TACC2: variants seen among roughly 807,000 people sequenced by gnomAD.
TACC2 encodes the protein transforming acidic coiled-coil-containing protein 2.
Under a neutral mutation model 227.3 loss-of-function variants are expected in TACC2, and 137 were observed. That is an observed-to-expected ratio of 0.60 (90% CI 0.52 to 0.69). The LOEUF (loss-of-function observed/expected upper bound fraction) is 0.69. Ranked by LOEUF, TACC2 falls within the 30% of genes least tolerant of loss-of-function variation. The pLI is 0.00. For missense variants in TACC2, 3,470 were observed against 3,694.4 expected (o/e 0.94, Z 1.57); for synonymous variants, 1,523 against 1,487.5 (o/e 1.02, Z -0.55).
At chr10:122,007,454 G>A (rs1955317072) in intron 1 of TACC2, among the ~76,000 whole-genome samples, 1 of 152,120 alleles carries the variant, frequency 6.6e-6, no homozygotes, top group African/African-American at 2.4e-5. Context: ...TGGTCTCAGG[G>A]TGTAAGGAAG....
intron 3 of TACC2, among the ~76,000 whole-genome samples, chr10:122,076,518 G>A (rs552074355): frequency 6.6e-6 from 1 of 152,280 alleles, no homozygotes; most frequent in South Asian, 2.1e-4. Context: ...CAGTGATGAT[G>A]TTATGTTAGG....
At chr10:122,238,619 T>A (rs1242553055) in intron 18 of TACC2, among the ~76,000 whole-genome samples, 2 of 151,980 alleles carry the variant, frequency 1.3e-5, no homozygotes, top group Non-Finnish European at 2.9e-5. Context: ...CTGGCTAATT[T>A]TTTGTATTTT....
intron 1 of TACC2, among the ~76,000 whole-genome samples, chr10:121,998,285 C>T (rs1953813873): frequency 6.8e-6 from 1 of 146,494 alleles, no homozygotes; most frequent in African/African-American, 2.6e-5. Context: ...GCACTCCAGC[C>T]TGGGTGACAC....
intron 5 of TACC2, among the ~76,000 whole-genome samples, chr10:122,105,014 G>C (rs2082591901): frequency 6.6e-6 from 1 of 152,196 alleles, no homozygotes; most frequent in Non-Finnish European, 1.5e-5. Flanking sequence ...AGCAGCACTT[G>C]ATAAGTGACT....
At position 122,063,023 on chromosome 10, in the gene TACC2, G is replaced by A. The variant is rs529735435; in HGVS notation, c.146+12473G>A. Among the ~76,000 whole-genome samples, 3 of 152,098 alleles carry A rather than the reference G, an allele frequency of 2.0e-5. No individual in the cohort carries two copies. The East Asian group carries it at 5.9e-4, about 30-fold the overall frequency. ...TGGCAGGGCGGGGACTAGAACCGAG[G>A]CTGGTTTGATCCACCTGAAACCCAG... is the stretch of plus-strand genomic sequence containing the variant. On this transcript the variant is annotated intron_variant, in intron 3 of 22. Transcript: ENST00000369005.
intron 7 of TACC2, among the ~76,000 whole-genome samples, chr10:122,183,234 C>T (rs558851342): frequency 4.0e-5 from 6 of 151,724 alleles, no homozygotes; most frequent in Non-Finnish European, 7.4e-5. Flanking sequence ...ACAAAAAAAA[C>T]AACAGGGGGT....
chr10:122,145,460 A>G (rs867353107), intron 7 of TACC2, among the ~76,000 whole-genome samples: 2 of 152,226 alleles, frequency 1.3e-5, no homozygotes, highest in African/African-American at 4.8e-5. Flanking sequence ...AGATTCTGGG[A>G]AAGGCAAAAC....
intron 5 of TACC2, among the ~76,000 whole-genome samples, chr10:122,119,363 G>A (rs1565352298): frequency 6.6e-6 from 1 of 152,152 alleles, no homozygotes; most frequent in Non-Finnish European, 1.5e-5. Context: ...TGTGCTCTTT[G>A]TACTATACTT....
chr10:122,035,654 C>G (rs546368207), intron 2 of TACC2, among the ~76,000 whole-genome samples: 32 of 152,034 alleles, frequency 2.1e-4, no homozygotes, highest in African/African-American at 7.2e-4. Flanking sequence ...TTAAGTGGAC[C>G]GTTCAGTGGA....
chr10:122,161,474 C>T (rs1030117871), intron 7 of TACC2, among the ~76,000 whole-genome samples: 18 of 152,212 alleles, frequency 1.2e-4, no homozygotes, highest in African/African-American at 4.3e-4. Context: ...TTTTCCAATG[C>T]CCTTGCAAAA....
intron 2 of TACC2, among the ~76,000 whole-genome samples, chr10:122,040,243 T>C (rs187546404): frequency 1.4e-3 from 220 of 152,276 alleles, no homozygotes; most frequent in Non-Finnish European, 2.8e-3. Context: ...GTTGGGAGAC[T>C]GTCTAACACC....
At chr10:122,162,217 T>C (rs1326877197) in intron 7 of TACC2, among the ~76,000 whole-genome samples, 1 of 152,208 alleles carries the variant, frequency 6.6e-6, no homozygotes, top group Non-Finnish European at 1.5e-5. Context: ...ACACTGATAC[T>C]GAATAAGAGC....
rs1481711376 is a variant in TACC2, at chr10:122,180,777, C to T, written c.5835-14263C>T. 6.6e-6 allele frequency among the ~76,000 whole-genome samples: 1 copy of T among 151,918 alleles called. No homozygotes were observed. The highest frequency in any genetic ancestry group is 1.9e-4 in the East Asian group (1 of 5,154). ...TTGAGACGGAGTCTCGCTCTGTTGCCGAGGCTGGATGGAGTGCAATGGCGC... is the reference window on the plus strand; with the variant it reads ...TTGAGACGGAGTCTCGCTCTGTTGCTGAGGCTGGATGGAGTGCAATGGCGC... On this transcript the variant is annotated intron_variant, in intron 7 of 22. Transcript: ENST00000369005. This position sits in a 1 kb window ranked among gnomAD's most constrained non-coding sequence, Gnocchi z 4.5.
chr10:122,207,441 AT>A (rs1196412933), intron 8 of TACC2, among the ~76,000 whole-genome samples: 2 of 152,148 alleles, frequency 1.3e-5, no homozygotes, highest in East Asian at 3.9e-4. Flanking sequence ...ACCAGGGAGG[AT>A]TTTGCCCCCA....
intron 7 of TACC2, among the ~76,000 whole-genome samples, chr10:122,170,144 C>G (rs1243486928): frequency 6.6e-6 from 1 of 152,088 alleles, no homozygotes; most frequent in Non-Finnish European, 1.5e-5. Flanking sequence ...GACCATCTTC[C>G]TCTTAAAACA....
chr10:122,054,839 G>C (rs1336404614), intron 3 of TACC2, among the ~76,000 whole-genome samples: 1 of 152,174 alleles, frequency 6.6e-6, no homozygotes, highest in African/African-American at 2.4e-5. Context: ...ACAAGGCTTT[G>C]TGAGGGGCTT....
intron 5 of TACC2, among the ~76,000 whole-genome samples, chr10:122,105,038 T>C (rs10732825): frequency 0.43 from 65,652 of 152,140 alleles, 14,973 homozygotes; most frequent in South Asian, 0.53. Context: ...AATAACTAGA[T>C]GAAACTCCTT....
chr10:122,111,705 A>G (rs1378578160), intron 5 of TACC2, among the ~76,000 whole-genome samples: 1 of 151,558 alleles, frequency 6.6e-6, no homozygotes. Context: ...CATGTTGGCC[A>G]GGATGGTCTC....
At chr10:122,167,367 G>C (rs1025482021) in intron 7 of TACC2, among the ~76,000 whole-genome samples, 1 of 152,252 alleles carries the variant, frequency 6.6e-6, no homozygotes, top group African/African-American at 2.4e-5. Flanking sequence ...AGAAGAGACA[G>C]TGGCAAGTAC....
Sources: gnomAD v4.1 joint callset for allele counts (sites outside exome capture counted in the v4.1 genomes callset) on GRCh38, gnomAD v4.1.1 for gene constraint, Gnocchi (gnomAD v3.1) non-coding constraint, MANE v1.5 for transcripts, NCBI Gene and HGNC (gene_info 2026-07-23, HGNC 2026-07-21) for gene names.